The following ACADL variants were observed in gnomAD, a reference collection of about 807,000 sequenced individuals.
ACADL encodes long-chain specific acyl-CoA dehydrogenase, mitochondrial.
A neutral mutation model predicts 56.9 loss-of-function variants in ACADL; 60 were observed. That is an observed-to-expected ratio of 1.05 (90% CI 0.86 to 1.31). The LOEUF is 1.31. Among genes scored for constraint, ACADL ranks in the 50% most tolerant of loss-of-function variants. The pLI, the probability that ACADL is intolerant of heterozygous loss-of-function variation, is 0.00. For missense variants in ACADL, 484 were observed against 525.5 expected, an observed-to-expected ratio of 0.92 and a Z score of 0.77; for synonymous variants, 158 against 179.7, an observed-to-expected ratio of 0.88 and a Z score of 0.97.
At chr2:210,193,632 C>A (rs1413913723) in intron 9 of ACADL, among the ~76,000 whole-genome samples, 1 of 151,914 alleles carries the variant, frequency 6.6e-6, no homozygotes, top group Non-Finnish European at 1.5e-5. Flanking sequence ...GTTCAAAATT[C>A]TTTTCTACTT....
rs750755056 is a variant in ACADL, at chr2:210,210,205, A to G, written c.594T>C (p.Asn198=). 11 of 1,612,480 alleles carry G rather than the reference A, an allele frequency of 6.8e-6. No homozygotes were observed. The highest frequency in any genetic ancestry group is 7.6e-6 in the Non-Finnish European group (9 of 1,178,722). ...GTCCTTTTTTACACACCTTGCTTCC[A>G]TTGAGAATCCAGTCACTTCCATCCT... The part of the protein sequence containing the change: ...AKKDGSDWIL[N]GSKVFISNGS... Residue 198 remains asparagine (N), a synonymous_variant, in exon 5 of 11, where the codon AAT becomes AAC. Transcript: ENST00000233710.
intron 2 of ACADL, among the ~76,000 whole-genome samples, 186 bp downstream of exon 2, chr2:210,220,461 A>G (rs537743523): frequency 6.6e-6 from 1 of 152,202 alleles, no homozygotes; most frequent in Non-Finnish European, 1.5e-5. Flanking sequence ...TGTATAGTAC[A>G]TTTTAAAATT....
At chr2:210,222,334 G>A (rs1416438694) in intron 1 of ACADL, among the ~76,000 whole-genome samples, 1 of 151,954 alleles carries the variant, frequency 6.6e-6, no homozygotes. Flanking sequence ...TGTGCCTGGG[G>A]GGAGGCAGAG....
chr2:210,192,818 C>G lies in ACADL; in HGVS notation c.1185G>C (p.Glu395Asp), dbSNP rs140931117. ...ACTATACTTACTTTGCAATTGGGTA[C>G]TCCCACATGTATCCCCAACCTCCAT... ...QLHGGWGYMW[E>D]YPIAKAYVDA... The change falls in exon 10 of 11, where the codon GAG becomes GAC. Residue 395 changes from glutamate (E) to aspartate (D), a missense_variant. Physicochemically the swap from Glu to Asp is conservative, Grantham distance 45. Coordinates refer to ENST00000233710, the MANE Select transcript of ACADL (RefSeq NM_001608.4). 61 of 1,612,680 alleles carry G rather than the reference C, an allele frequency of 3.8e-5. No homozygotes were observed. In the African/African-American group the frequency reaches 6.7e-4, roughly 18 times the overall value.
At chr2:210,211,701 T>C (rs573779460) in intron 4 of ACADL, among the ~76,000 whole-genome samples, 1 of 152,306 alleles carries the variant, frequency 6.6e-6, no homozygotes, top group South Asian at 2.1e-4. Context: ...ATGCTTCCTA[T>C]ACAGCTGGTG....
intron 6 of ACADL, 150 bp from the exon 7 acceptor site, chr2:210,204,832 G>A (rs1688857847): frequency 1.5e-6 from 1 of 662,188 alleles, no homozygotes; most frequent in Non-Finnish European, 2.7e-6. Context: ...ACTAGTAAGT[G>A]GTAAACCAGG....
chr2:210,205,498 A>G (rs1335898669), intron 6 of ACADL, 134 bp downstream of exon 6: 1 of 816,106 alleles, frequency 1.2e-6, no homozygotes, highest in Non-Finnish European at 2.0e-6. Context: ...TCTCATTACC[A>G]CATCAGAAAA....
intron 2 of ACADL, among the ~76,000 whole-genome samples, chr2:210,220,387 T>G (rs910856852): frequency 1.3e-5 from 2 of 152,178 alleles, no homozygotes; most frequent in African/African-American, 4.8e-5. Context: ...TGTTACCACT[T>G]ACCCATGGTT....
intron 5 of ACADL, among the ~76,000 whole-genome samples, chr2:210,209,296 T>C (rs1041417892): frequency 2.6e-5 from 4 of 152,152 alleles, no homozygotes; most frequent in African/African-American, 9.7e-5. Flanking sequence ...TAACACTCAG[T>C]CAACAACAAA....
At chr2:210,192,476 C>G (rs537254987) in intron 10 of ACADL, among the ~76,000 whole-genome samples, 3 of 151,816 alleles carry the variant, frequency 2.0e-5, no homozygotes, top group African/African-American at 7.2e-5. Context: ...GGTGACAGAG[C>G]GAGACTGTCT....
intron 5 of ACADL, among the ~76,000 whole-genome samples, chr2:210,208,283 T>C (rs1326241486): frequency 6.6e-6 from 1 of 152,246 alleles, no homozygotes; most frequent in Non-Finnish European, 1.5e-5. Flanking sequence ...TATGCTGAGC[T>C]CAATTTGGTA....
chr2:210,189,153 C>T, intron 10 of ACADL, 99 bp from the exon 11 acceptor site: 1 of 812,114 alleles, frequency 1.2e-6, no homozygotes, highest in Non-Finnish European at 2.1e-6. Flanking sequence ...TAGTGAAGTA[C>T]AAACAATAAA....
At chr2:210,205,518 A>T (rs1027562409) in intron 6 of ACADL, 114 bp downstream of exon 6, 2 of 1,010,132 alleles carry the variant, frequency 2.0e-6, no homozygotes, top group Non-Finnish European at 3.0e-6. Context: ...AGCATATTTT[A>T]GGAATTCAGC....
chr2:210,203,338 T>G lies in ACADL; in HGVS notation c.977A>C (p.His326Pro). 1 of 1,611,222 alleles carries G rather than the reference T, an allele frequency of 6.2e-7. No homozygotes were observed. The highest frequency in any genetic ancestry group is 8.5e-7 in the Non-Finnish European group (1 of 1,177,722). ...QRKAFGKTVAHLQTVQHKLAE... is the reference protein window; with the variant it reads ...QRKAFGKTVAPLQTVQHKLAE... ...CCACAGTGACAAGCTTACCTGTAGGTGAGCAACTGTTTTGCCAAAAGCTTT... is the reference window on the plus strand; with the variant it reads ...CCACAGTGACAAGCTTACCTGTAGGGGAGCAACTGTTTTGCCAAAAGCTTT... Residue 326 changes from histidine to proline, a missense_variant, in exon 8 of 11, where the codon CAC (histidine) becomes CCC (proline). Physicochemically the swap from His to Pro is moderately conservative, Grantham distance 77. Transcript: ENST00000233710.
intron 9 of ACADL, 55 bp from the exon 10 acceptor site, chr2:210,192,945 G>A: frequency 7.1e-7 from 1 of 1,401,710 alleles, no homozygotes; most frequent in South Asian, 1.2e-5. Flanking sequence ...ATTTTCATGA[G>A]GTGCTTCAAA....
intron 8 of ACADL, 32 bp downstream of exon 8, chr2:210,203,299 C>T (rs369793745): frequency 2.1e-6 from 3 of 1,427,760 alleles, no homozygotes; most frequent in Non-Finnish European, 3.0e-6. Flanking sequence ...AAACTGATAC[C>T]ATCTAATACT....
chr2:210,223,944 A>T (rs1689220560), intron 1 of ACADL, among the ~76,000 whole-genome samples: 1 of 152,154 alleles, frequency 6.6e-6, no homozygotes. Context: ...GTTTAAGAGC[A>T]TAAGGGAGCC....
chr2:210,217,078 AT>A (rs11334536), intron 3 of ACADL, among the ~76,000 whole-genome samples: 151,796 of 152,002 alleles, frequency 1, 75,795 homozygotes, highest in Middle Eastern at 1. Context: ...ACAAAATCCT[AT>A]TTTTTTTACA....
intron 2 of ACADL, among the ~76,000 whole-genome samples, chr2:210,219,072 G>C (rs1689135092): frequency 2.0e-5 from 3 of 152,148 alleles, no homozygotes; most frequent in Admixed American, 6.5e-5. Context: ...GGTATTTGAA[G>C]ATACTGACAC....
Sources: allele counts gnomAD v4.1 joint callset (sites outside exome capture counted in the v4.1 genomes callset), GRCh38; gene constraint gnomAD v4.1.1; transcripts MANE v1.5; gene names NCBI Gene and HGNC (gene_info 2026-07-23, HGNC 2026-07-21).